Variants in CDC73 observed in about 807,000 individuals in gnomAD.
CDC73 encodes the protein cell division cycle 73, also known as parafibromin.
In CDC73, 21 loss-of-function variants were observed where a neutral mutation model predicts 83.7. The ratio of observed to expected loss-of-function variants is 0.25; its 90% CI spans 0.18 to 0.36. The LOEUF is 0.36. CDC73 is among the 10% of genes least tolerant of loss of function. The pLI, the probability that CDC73 is intolerant of heterozygous loss-of-function variation, is 1.00. For synonymous variants in CDC73, 224 were observed against 212.9 expected (o/e 1.05, Z -0.45); for missense variants, 342 against 653.3 (o/e 0.52, Z 5.19).
chr1:193,225,361 T>C (rs1677549598), intron 13 of CDC73, among the ~76,000 whole-genome samples: 1 of 152,084 alleles, frequency 6.6e-6, no homozygotes, highest in African/African-American at 2.4e-5. Context: ...TGTGCTGCTG[T>C]AAACATGCGT....
intron 10 of CDC73, among the ~76,000 whole-genome samples, chr1:193,174,209 C>G (rs1475435109): frequency 6.6e-6 from 1 of 152,014 alleles, no homozygotes; most frequent in African/African-American, 2.4e-5. Flanking sequence ...CTTAGCCTTT[C>G]TCCTTCCAGT....
chr1:193,220,953 AAT>A (rs57020720), intron 13 of CDC73, among the ~76,000 whole-genome samples: 110,950 of 151,880 alleles, frequency 0.73, 40,823 homozygotes, highest in South Asian at 0.82. Flanking sequence ...CCTTTTAGTC[AAT>A]ATATATATGG....
At chr1:193,181,532 A>G in intron 10 of CDC73, 1 of 1,605,314 alleles carries the variant, frequency 6.2e-7, no homozygotes, top group Non-Finnish European at 8.5e-7. Flanking sequence ...ATCTTTGCAA[A>G]GCAGCAGTGT....
chr1:193,209,092 G>T (rs1465486931), intron 11 of CDC73, among the ~76,000 whole-genome samples: 1 of 152,208 alleles, frequency 6.6e-6, no homozygotes, highest in Non-Finnish European at 1.5e-5. Context: ...TTGAGGGCAG[G>T]AATTACTTCT....
chr1:193,181,098 T>C lies in CDC73; in HGVS notation c.973-22697T>C, dbSNP rs895010897. ...TTTGTCCAGGCTCTGCAGCTATTAGTAGTATTAAAAAAGGACTTTTCTCTT... is the reference window on the plus strand; with the variant it reads ...TTTGTCCAGGCTCTGCAGCTATTAGCAGTATTAAAAAAGGACTTTTCTCTT... On this transcript the variant is annotated intron_variant, in intron 10 of 16. Coordinates refer to ENST00000367435, the MANE Select transcript of CDC73 (RefSeq NM_024529.5). 1.9e-6 allele frequency: 3 copies of C among 1,614,074 alleles called. No homozygotes were observed. The East Asian group carries it at 6.7e-5, about 36-fold the overall frequency.
intron 15 of CDC73, among the ~76,000 whole-genome samples, chr1:193,243,547 A>G (rs935453822): frequency 1.3e-5 from 2 of 152,208 alleles, no homozygotes; most frequent in Non-Finnish European, 2.9e-5. Context: ...GATCATTTTA[A>G]AAAATGTAAC....
At chr1:193,181,067 C>T in intron 10 of CDC73, 1 of 1,614,020 alleles carries the variant, frequency 6.2e-7, no homozygotes, top group South Asian at 1.1e-5. Context: ...GCTCTTCTAG[C>T]TTCTATTTGT....
intron 10 of CDC73, among the ~76,000 whole-genome samples, chr1:193,158,755 T>G (rs535443756): frequency 6.6e-6 from 1 of 152,100 alleles, no homozygotes; most frequent in African/African-American, 2.4e-5. Context: ...AGTATAAAGG[T>G]GTACCCCTTA....
At chr1:193,135,093 T>G (rs1675767792) in intron 3 of CDC73, among the ~76,000 whole-genome samples, 1 of 152,208 alleles carries the variant, frequency 6.6e-6, no homozygotes. Flanking sequence ...CTTACACCTT[T>G]TTAGGTGTCT....
intron 15 of CDC73, 102 bp from the exon 16 acceptor site, chr1:193,249,628 T>A (rs1431130494): frequency 1.1e-5 from 9 of 842,808 alleles, no homozygotes; most frequent in Non-Finnish European, 1.6e-5. Flanking sequence ...TTTTAAAAGA[T>A]CACTTTAGTT....
At chr1:193,132,693 G>A (rs1051227267) in intron 3 of CDC73, among the ~76,000 whole-genome samples, 8 of 151,712 alleles carry the variant, frequency 5.3e-5, no homozygotes, top group African/African-American at 1.7e-4. Context: ...AGAATCATAT[G>A]GTTTGAAAAT....
intron 15 of CDC73, among the ~76,000 whole-genome samples, chr1:193,239,418 T>G (rs899989510): frequency 1.3e-5 from 2 of 152,132 alleles, no homozygotes; most frequent in East Asian, 3.8e-4. Flanking sequence ...GAAAATTATA[T>G]TATATTTTGT....
chr1:193,196,554 A>G (rs1267707341), intron 10 of CDC73, among the ~76,000 whole-genome samples: 2 of 152,230 alleles, frequency 1.3e-5, no homozygotes, highest in East Asian at 1.9e-4. Flanking sequence ...ATCTGATAGT[A>G]TAGAAATCTT....
intron 13 of CDC73, among the ~76,000 whole-genome samples, chr1:193,229,429 A>G (rs142746452): frequency 1.3e-5 from 2 of 152,340 alleles, no homozygotes; most frequent in East Asian, 3.9e-4. Flanking sequence ...CACAAATAGG[A>G]TAAGCACCCT....
At chr1:193,216,066 C>T (rs1426619004) in intron 13 of CDC73, among the ~76,000 whole-genome samples, 1 of 152,060 alleles carries the variant, frequency 6.6e-6, no homozygotes, top group Admixed American at 6.6e-5. Context: ...CAAGAGCAAA[C>T]CAGTCCCAAA....
intron 6 of CDC73, among the ~76,000 whole-genome samples, chr1:193,140,688 G>A (rs569360730): frequency 1.7e-4 from 26 of 152,268 alleles, no homozygotes; most frequent in African/African-American, 5.8e-4. Context: ...TGGACAAAGG[G>A]ATCATTCGTG....
intron 3 of CDC73, among the ~76,000 whole-genome samples, chr1:193,134,526 C>T (rs1363241610): frequency 2.0e-5 from 3 of 152,072 alleles, no homozygotes; most frequent in East Asian, 3.9e-4. Context: ...AAAAAATTAG[C>T]CGGGCGTGGT....
At chr1:193,157,100 A>G (rs997918071) in intron 10 of CDC73, among the ~76,000 whole-genome samples, 1 of 152,306 alleles carries the variant, frequency 6.6e-6, no homozygotes, top group South Asian at 2.1e-4. Context: ...TGTAGGATTT[A>G]ACTTGGTGAT....
chr1:193,168,133 A>G (rs1676462822), intron 10 of CDC73, among the ~76,000 whole-genome samples: 1 of 152,190 alleles, frequency 6.6e-6, no homozygotes. Flanking sequence ...TGCTGGGATT[A>G]CAGGTGTGAG....
Sources: gnomAD v4.1 joint callset for allele counts (sites outside exome capture counted in the v4.1 genomes callset) on GRCh38, gnomAD v4.1.1 for gene constraint, MANE v1.5 for transcripts, NCBI Gene and HGNC (gene_info 2026-07-23, HGNC 2026-07-21) for gene names.